AFAP1L1: variants seen among roughly 807,000 people sequenced by gnomAD.
The protein encoded by AFAP1L1 is actin filament associated protein 1 like 1.
A neutral mutation model predicts 99.8 loss-of-function variants in AFAP1L1; 77 were observed. The observed-to-expected ratio is 0.77, with a 90% CI of 0.64 to 0.93. AFAP1L1 has a LOEUF of 0.93. AFAP1L1 is among the 40% of genes least tolerant of loss of function. The pLI is 0.00. For missense variants in AFAP1L1, 893 were observed against 996.8 expected (o/e 0.90, Z 1.40); for synonymous variants, 373 against 395.3 (o/e 0.94, Z 0.67).
chr5:149,316,008 T>C, intron 10 of AFAP1L1, 94 bp downstream of exon 10: 5 of 1,586,966 alleles, frequency 3.2e-6, no homozygotes, highest in Non-Finnish European at 4.3e-6. Flanking sequence ...CTGACCATTC[T>C]GTAGACCTGG....
intron 1 of AFAP1L1, among the ~76,000 whole-genome samples, chr5:149,288,722 G>A (rs1397639569): frequency 6.6e-6 from 1 of 152,242 alleles, no homozygotes; most frequent in East Asian, 1.9e-4. Context: ...TTCCTCAGAA[G>A]CGGGTGGCCT....
At chr5:149,277,568 C>A (rs1195791230) in intron 1 of AFAP1L1, among the ~76,000 whole-genome samples, 1 of 152,210 alleles carries the variant, frequency 6.6e-6, no homozygotes, top group Non-Finnish European at 1.5e-5. Flanking sequence ...TTTCCTACTC[C>A]TTCTATGGTA....
intron 6 of AFAP1L1, among the ~76,000 whole-genome samples, chr5:149,307,001 C>G (rs888253556): frequency 9.2e-5 from 14 of 152,014 alleles, no homozygotes; most frequent in African/African-American, 3.4e-4. Context: ...AATCCCAGCA[C>G]TTTGGGAGGC....
chr5:149,299,445 G>A lies in AFAP1L1; in HGVS notation c.17-64G>A, dbSNP rs898645605. ...GCCCAACTCTAGGTGGTGGGGGGCC[G>A]AACTCCCGGGCACAGAGCTGTGACT... On this transcript the variant is annotated intron_variant, in intron 1 of 18. Transcript: ENST00000296721. 1.2e-4 allele frequency: 194 copies of A among 1,590,154 alleles called. No individual in the cohort carries two copies. The East Asian group carries it at 1.8e-3, about 15-fold the overall frequency.
Position 149,300,326 on chromosome 5 carries a change from C to T in AFAP1L1, c.201C>T (p.Ser67=). The part of the protein sequence containing the change: ...VNTADLHSGP[S]FVESLFEEFD... Reference sequence around the variant, plus strand: ...CAGCAGACCTCCACTCGGGGCCCAGCTTCGTGGAATCCCTCTTTGAAGAAT... The same window carrying T: ...CAGCAGACCTCCACTCGGGGCCCAGTTTCGTGGAATCCCTCTTTGAAGAAT... The change falls in exon 3 of 19, where the codon AGC becomes AGT. Residue 67 remains serine, a synonymous_variant. Transcript: ENST00000296721. The T allele has an allele frequency of 1.9e-6, 3 of 1,613,432 alleles. No homozygotes were observed. The highest frequency in any genetic ancestry group is 2.5e-6 in the Non-Finnish European group (3 of 1,179,682).
chr5:149,301,017 G>A, intron 3 of AFAP1L1, 116 bp from the exon 4 acceptor site: 1 of 747,786 alleles, frequency 1.3e-6, no homozygotes, highest in Non-Finnish European at 2.3e-6. Context: ...TACTAACGGA[G>A]GGGTGGTGGA....
At chr5:149,309,543 A>G (rs1756544120) in intron 7 of AFAP1L1, among the ~76,000 whole-genome samples, 1 of 152,136 alleles carries the variant, frequency 6.6e-6, no homozygotes, top group Non-Finnish European at 1.5e-5. Context: ...AAAATGGGGA[A>G]GTGAGAATCA....
intron 1 of AFAP1L1, among the ~76,000 whole-genome samples, chr5:149,286,184 A>G (rs1373305948): frequency 6.6e-6 from 1 of 152,198 alleles, no homozygotes; most frequent in Non-Finnish European, 1.5e-5. Flanking sequence ...CTTGGCATGC[A>G]TCAGGGACTT....
chr5:149,338,125 C>A (rs976745720), intron 18 of AFAP1L1, among the ~76,000 whole-genome samples: 1 of 152,194 alleles, frequency 6.6e-6, no homozygotes, highest in African/African-American at 2.4e-5. Flanking sequence ...CTGTGGGAAT[C>A]GGCAACATTT....
chr5:149,309,929 TC>T, intron 7 of AFAP1L1, 26 bp from the exon 8 acceptor site: 1 of 1,614,096 alleles, frequency 6.2e-7, no homozygotes, highest in Non-Finnish European at 8.5e-7. Flanking sequence ...CTTCAGAAGA[TC>T]CTGATGTGTT....
chr5:149,303,069 G>A (rs895944155), intron 5 of AFAP1L1, among the ~76,000 whole-genome samples: 6 of 152,102 alleles, frequency 3.9e-5, no homozygotes, highest in African/African-American at 1.4e-4. Context: ...ACATGATGTA[G>A]GCAGAAATAT....
Position 149,319,765 on chromosome 5 carries a change from C to T in AFAP1L1, c.1625+38C>T, listed in dbSNP as rs753931433. 3 of 1,604,378 alleles carry T rather than the reference C, an allele frequency of 1.9e-6. No homozygotes were observed. In the South Asian group the frequency reaches 3.3e-5, roughly 18 times the overall value. On this transcript the variant is annotated intron_variant, in intron 13 of 18. Transcript: ENST00000296721. ...TGCACTGGCCACACCTGCCCAGGAC[C>T]TTTCCTGTCTCCATCCCTCTCAGAG...
chr5:149,302,755 C>G (rs565358589), intron 5 of AFAP1L1: 1 of 436,638 alleles, frequency 2.3e-6, no homozygotes, highest in Non-Finnish European at 4.1e-6. Flanking sequence ...AGTCCCAGAT[C>G]TGTGTGGCCT....
chr5:149,319,877 C>T (rs1204280526), intron 13 of AFAP1L1, 150 bp downstream of exon 13: 2 of 1,226,376 alleles, frequency 1.6e-6, no homozygotes, highest in Non-Finnish European at 2.2e-6. Flanking sequence ...GTGTCTTCCT[C>T]TTCCAGCAAA....
chr5:149,319,774 C>CTCCATCCCTCTCAGAGGCTGAG, intron 13 of AFAP1L1, 47 bp downstream of exon 13: 2 of 1,597,256 alleles, frequency 1.3e-6, no homozygotes, highest in Non-Finnish European at 1.7e-6. Flanking sequence ...CCTTTCCTGT[C>CTCCATCCCTCTCAGAGGCTGAG]TCCATCCCTC....
At chr5:149,336,861 C>T (rs1394191056) in intron 18 of AFAP1L1, among the ~76,000 whole-genome samples, 1 of 152,156 alleles carries the variant, frequency 6.6e-6, no homozygotes, top group Admixed American at 6.5e-5. Flanking sequence ...GAGGGACAGA[C>T]ATTCCAATCA....
rs1011268794 is a variant in AFAP1L1, at chr5:149,323,057, A to C, written c.1810+340A>C. Among the ~76,000 whole-genome samples the C allele has an allele frequency of 2.6e-5, 4 of 152,186 alleles. No individual in the cohort carries two copies. In the South Asian group the frequency reaches 6.2e-4, roughly 24 times the overall value. ...CCAGGCCCCTAACACCAGATTTGCC[A>C]ATTACTTAAAAGAGGCCAGAAATCT... On this transcript the variant is annotated intron_variant, in intron 15 of 18. Coordinates refer to ENST00000296721, the MANE Select transcript of AFAP1L1 (RefSeq NM_152406.4).
chr5:149,332,744 G>A lies in AFAP1L1; in HGVS notation c.2025G>A (p.Gln675=), dbSNP rs760052008. The stretch of plus-strand genomic sequence containing the variant: ...AAGCCGTGGCCACCCTGGAAGCTCA[G>A]TGTCGGGCAAAGGAGGAGCGCCGGA... ...LEEAVATLEA[Q]CRAKEERRID... is the part of the protein sequence containing the mutation. The change falls in exon 17 of 19, where the codon CAG becomes CAA. Residue 675 remains glutamine (Q), a synonymous_variant. Transcript: ENST00000296721. 1 of 1,613,990 alleles carries A rather than the reference G, an allele frequency of 6.2e-7. No homozygotes were observed. The highest frequency in any genetic ancestry group is 2.2e-5 in the East Asian group (1 of 44,892).
chr5:149,301,324 C>T (rs1014653165), intron 4 of AFAP1L1, 94 bp downstream of exon 4: 249 of 1,140,650 alleles, frequency 2.2e-4, no homozygotes, highest in Non-Finnish European at 2.7e-4. Flanking sequence ...GCTCTCCTGG[C>T]GGTTCTGGAC....
Sources: gnomAD v4.1 joint callset for allele counts (sites outside exome capture counted in the v4.1 genomes callset) on GRCh38, gnomAD v4.1.1 for gene constraint, MANE v1.5 for transcripts, NCBI Gene and HGNC (gene_info 2026-07-23, HGNC 2026-07-21) for gene names.